The following CFI variants were observed in gnomAD, a reference collection of about 807,000 sequenced individuals.
The protein encoded by CFI is C3B/C4B inactivator.
CFI carries 66 observed loss-of-function variants against 78.8 expected under a neutral mutation model. The ratio of observed to expected loss-of-function variants is 0.84; its 90% CI spans 0.69 to 1.03. The LOEUF is 1.03. Ranked by LOEUF, CFI falls within the 50% of genes least tolerant of loss-of-function variation. CFI has a pLI of 0.00. For missense variants in CFI, 706 were observed against 704.5 expected, an observed-to-expected ratio of 1.00 and a Z score of -0.02; for synonymous variants, 250 against 232.6, an observed-to-expected ratio of 1.07 and a Z score of -0.68.
At chr4:109,748,921 G>A (rs1009762257) in intron 10 of CFI, among the ~76,000 whole-genome samples, 4 of 152,168 alleles carry the variant, frequency 2.6e-5, no homozygotes, top group Non-Finnish European at 4.4e-5. Context: ...AGAACAAAAT[G>A]TAAGTAGTAC....
chr4:109,787,706 G>T (rs1730910223), intron 1 of CFI, among the ~76,000 whole-genome samples: 1 of 151,902 alleles, frequency 6.6e-6, no homozygotes, highest in African/African-American at 2.4e-5. Context: ...ATGGCTTCTT[G>T]TGTGCTAATT....
chr4:109,753,453 TTA>T (rs373765042), intron 7 of CFI, among the ~76,000 whole-genome samples: 7,462 of 48,294 alleles, frequency 0.15, 3,017 homozygotes, highest in Admixed American at 0.21. Flanking sequence ...TAATAAATAT[TTA>T]TATATATATT....
chr4:109,779,682 C>A (rs1167110749), intron 1 of CFI, among the ~76,000 whole-genome samples: 2 of 152,140 alleles, frequency 1.3e-5, no homozygotes, highest in African/African-American at 4.8e-5. Flanking sequence ...CCAAGACAAT[C>A]CTAAGCCAAA....
intron 1 of CFI, among the ~76,000 whole-genome samples, chr4:109,798,284 TA>T (rs1488292498): frequency 6.6e-6 from 1 of 152,170 alleles, no homozygotes; most frequent in African/African-American, 2.4e-5. Flanking sequence ...ATTGTATACT[TA>T]AAAATTTGCT....
chr4:109,762,078 C>G (rs950169794), intron 3 of CFI: 1 of 228,786 alleles, frequency 4.4e-6, no homozygotes, highest in Non-Finnish European at 8.6e-6. Flanking sequence ...GTAGTCTCAG[C>G]TATTCGGGAG....
intron 1 of CFI, among the ~76,000 whole-genome samples, chr4:109,767,921 G>T (rs1204931119): frequency 6.6e-6 from 1 of 152,016 alleles, no homozygotes; most frequent in African/African-American, 2.4e-5. Context: ...AGAAAATGTG[G>T]CATATATACA....
intron 4 of CFI, 47 bp from the exon 5 acceptor site, chr4:109,760,683 G>T: frequency 9.3e-7 from 1 of 1,073,826 alleles, no homozygotes; most frequent in Non-Finnish European, 1.5e-6. Flanking sequence ...TGGAGTGGTG[G>T]CATGACATCC....
intron 4 of CFI, among the ~76,000 whole-genome samples, chr4:109,761,106 G>A (rs1315462528): frequency 2.0e-5 from 3 of 152,198 alleles, no homozygotes; most frequent in East Asian, 1.9e-4. Context: ...TCAGGAAGGA[G>A]GAGAAAAGTC....
At chr4:109,742,325 A>G in intron 12 of CFI, 166 bp downstream of exon 12, 1 of 645,560 alleles carries the variant, frequency 1.5e-6, no homozygotes, top group South Asian at 1.7e-5. Context: ...AGAGGAAGAA[A>G]CCTGAGCTAC....
chr4:109,741,049 C>T lies in CFI; in HGVS notation c.1596G>A (p.Met532Ile). ...KGDSGGPLVC[M>I]DANNVTYVWG... ...AGACATAAGTCACATTGTTGGCATC[C>T]ATACAGACTAAGGGGCCTCCAGAGT... The change falls in exon 13 of 13, where the codon ATG becomes ATA. Residue 532 changes from methionine to isoleucine, a missense_variant. Coordinates refer to ENST00000394634, the MANE Select transcript of CFI (RefSeq NM_000204.5). 1.2e-6 allele frequency: 2 copies of T among 1,614,192 alleles called. No individual in the cohort carries two copies. Among genetic ancestry groups the T allele is most frequent in the Non-Finnish European group, 1.7e-6 (2 of 1,180,020 alleles).
downstream of CFI, among the ~76,000 whole-genome samples, chr4:109,740,511 T>C (rs952765875): frequency 7.2e-5 from 11 of 152,158 alleles, no homozygotes; most frequent in African/African-American, 2.7e-4. Context: ...CCAGTTTCCA[T>C]TTTATAGGTG....
intron 1 of CFI, among the ~76,000 whole-genome samples, chr4:109,776,270 T>C (rs1579267626): frequency 6.6e-6 from 1 of 152,022 alleles, no homozygotes; most frequent in Admixed American, 6.6e-5. Context: ...TGTAGAGAAG[T>C]CCTTAAATGA....
chr4:109,752,400 T>C lies in CFI; in HGVS notation c.940+68A>G, dbSNP rs1289975726. On this transcript the variant is annotated intron_variant, in intron 8 of 12. Transcript: ENST00000394634. ...TTGTTGCTTGAATCAATTATATATA[T>C]GCAAATGACACTGAAATTACAGCCT... is the stretch of plus-strand genomic sequence containing the variant. 8.7e-6 allele frequency: 12 copies of C among 1,378,952 alleles called. No individual in the cohort carries two copies. In the East Asian group the frequency reaches 2.1e-4, roughly 24 times the overall value. The allele number at this position is 1,378,952 out of a possible 1,614,324, so 85.4% of individuals were successfully genotyped here.
chr4:109,734,580 G>A, the CFI span, among the ~76,000 whole-genome samples: 1 of 152,192 alleles, frequency 6.6e-6, no homozygotes, highest in Non-Finnish European at 1.5e-5. Flanking sequence ...AAGGCGGGCA[G>A]ATCACACGGT....
At chr4:109,777,762 C>A (rs1347579655) in intron 1 of CFI, among the ~76,000 whole-genome samples, 1 of 152,092 alleles carries the variant, frequency 6.6e-6, no homozygotes, top group Non-Finnish European at 1.5e-5. Flanking sequence ...TGTAAAAGAA[C>A]AGAAATTATA....
intron 1 of CFI, among the ~76,000 whole-genome samples, chr4:109,782,338 A>T (rs1348200871): frequency 6.6e-6 from 1 of 151,954 alleles, no homozygotes. Context: ...TCTGGATACA[A>T]GATTAATGTA....
At chr4:109,787,320 A>G (rs1489016424) in intron 1 of CFI, among the ~76,000 whole-genome samples, 3 of 152,106 alleles carry the variant, frequency 2.0e-5, no homozygotes, top group East Asian at 1.9e-4. Context: ...AAACCTTTCC[A>G]TTGAAAGAGT....
In CFI at chr4:109,768,348, A is replaced by AG. The variant is rs1728071369; in HGVS notation, c.58-1525_58-1524insC. On this transcript the variant is annotated intron_variant, in intron 1 of 12. Coordinates refer to ENST00000394634, the MANE Select transcript of CFI (RefSeq NM_000204.5). Reference sequence around the variant, plus strand: ...TGAAGAAATCCTAAAAAAAAAAAAAAAAAAAGAAAAAAAGAATCAGACAAA... The same window carrying AG: ...TGAAGAAATCCTAAAAAAAAAAAAAAGAAAAAGAAAAAAAGAATCAGACAAA... 4.6e-5 allele frequency among the ~76,000 whole-genome samples: 7 copies of AG among 151,148 alleles called. No homozygotes were observed. The East Asian group carries it at 9.7e-4, about 21-fold the overall frequency.
chr4:109,762,549 T>A (rs1727221915), intron 3 of CFI: 2 of 152,066 alleles, frequency 1.3e-5, no homozygotes. Flanking sequence ...ATGGGGAAAA[T>A]AGGTTAAAAA....
Sources: gnomAD v4.1 joint callset for allele counts (sites outside exome capture counted in the v4.1 genomes callset) on GRCh38, gnomAD v4.1.1 for gene constraint, MANE v1.5 for transcripts, NCBI Gene and HGNC (gene_info 2026-07-23, HGNC 2026-07-21) for gene names.